SORBS2: variants seen among roughly 807,000 people sequenced by gnomAD.
The protein encoded by SORBS2 is sorbin and SH3 domain-containing protein 2.
Under a neutral mutation model 97.7 loss-of-function variants are expected in SORBS2, and 46 were observed. That is an observed-to-expected ratio of 0.47 (90% CI 0.37 to 0.60). SORBS2 has a LOEUF of 0.60. SORBS2 is among the 20% of genes least tolerant of loss of function. The pLI, the probability that SORBS2 is intolerant of heterozygous loss-of-function variation, is 0.00. For missense variants in SORBS2, 1,316 were observed against 1,282.3 expected (o/e 1.03, Z -0.40); for synonymous variants, 476 against 473.4 (o/e 1.01, Z -0.07).
intron 2 of SORBS2, among the ~76,000 whole-genome samples, chr4:185,701,276 GT>G (rs2098258112): frequency 6.6e-6 from 1 of 152,174 alleles, no homozygotes; most frequent in South Asian, 2.1e-4. Flanking sequence ...GGGCAGCCTG[GT>G]TTTAGCTCCA....
rs985240415 is a variant in SORBS2, at chr4:185,649,368, T to G, written c.281+99A>C. On this transcript the variant is annotated intron_variant, in intron 3 of 14. Transcript: ENST00000418609. Reference sequence around the variant, plus strand: ...TAGACTAGCAAGATTACACATCCGCTCTCTCTGTGGCAGGTGCACTGATTC... The same window carrying G: ...TAGACTAGCAAGATTACACATCCGCGCTCTCTGTGGCAGGTGCACTGATTC... 6 of 978,678 alleles carry G rather than the reference T, an allele frequency of 6.1e-6. No homozygotes were observed. In the African/African-American group the frequency reaches 6.8e-5, roughly 11 times the overall value. The allele number at this position is 978,678 out of a possible 1,614,324, so 60.6% of individuals were successfully genotyped here.
Position 185,652,733 on chromosome 4 carries a change from A to G in SORBS2, c.25-5T>C. 1 of 1,612,890 alleles carries G rather than the reference A, an allele frequency of 6.2e-7. No homozygotes were observed. Among genetic ancestry groups the G allele is most frequent in the East Asian group, 2.2e-5 (1 of 44,872 alleles). On this transcript the variant is annotated splice_polypyrimidine_tract_variant and splice_region_variant and intron_variant, in intron 1 of 14. Transcript: ENST00000418609. The stretch of plus-strand genomic sequence containing the variant: ...GTCCTTGGGCCGGTCGACTGTCTGT[A>G]ATGAAGAGAGCGTCCAATGGTTACA...
At chr4:185,608,083 G>A (rs1170200382) in intron 12 of SORBS2, among the ~76,000 whole-genome samples, 1 of 152,150 alleles carries the variant, frequency 6.6e-6, no homozygotes, top group Non-Finnish European at 1.5e-5. Context: ...AATGACTCCA[G>A]AGAAATGTTA....
At chr4:185,703,466 G>T (rs908360971) in intron 2 of SORBS2, among the ~76,000 whole-genome samples, 1 of 152,138 alleles carries the variant, frequency 6.6e-6, no homozygotes, top group African/African-American at 2.4e-5. Flanking sequence ...AAGAGTAAAA[G>T]TCTATTGGCT....
chr4:185,662,282 A>G (rs1463891768), intron 4 of SORBS2, 40 bp from the exon 8 acceptor site: 1 of 1,556,464 alleles, frequency 6.4e-7, no homozygotes, highest in Non-Finnish European at 8.7e-7. Flanking sequence ...ATTAGCACAT[A>G]GTTCCCTGTA....
intron 1 of SORBS2, among the ~76,000 whole-genome samples, chr4:185,941,315 A>G (rs2099271876): frequency 1.3e-5 from 2 of 152,216 alleles, no homozygotes; most frequent in Admixed American, 6.5e-5. Flanking sequence ...ATTTGAATGT[A>G]GATGGTCTGG....
intron 2 of SORBS2, among the ~76,000 whole-genome samples, chr4:185,743,005 C>T (rs1026152741): frequency 7.2e-5 from 11 of 152,250 alleles, no homozygotes; most frequent in Non-Finnish European, 1.3e-4. Flanking sequence ...GCCCTTTGGA[C>T]GTGGTGGCGA....
At chr4:185,797,045 C>T (rs534976971) in intron 1 of SORBS2, among the ~76,000 whole-genome samples, 17 of 152,356 alleles carry the variant, frequency 1.1e-4, no homozygotes, top group African/African-American at 3.8e-4. Flanking sequence ...CCCCACCTCA[C>T]GCACTTCTTC....
intron 1 of SORBS2, among the ~76,000 whole-genome samples, chr4:185,905,758 C>T (rs2099250408): frequency 6.6e-6 from 1 of 152,118 alleles, no homozygotes; most frequent in Non-Finnish European, 1.5e-5. Flanking sequence ...GCTACTAGGC[C>T]CGGCCTCTTC....
intron 2 of SORBS2, among the ~76,000 whole-genome samples, chr4:185,712,359 C>T (rs560238247): frequency 6.6e-6 from 1 of 152,306 alleles, no homozygotes; most frequent in East Asian, 1.9e-4. Context: ...CTGCCCATCC[C>T]CTGTTCAGCT....
At chr4:185,625,753 T>G (rs779598538) in intron 6 of SORBS2, among the ~76,000 whole-genome samples, 1 of 152,176 alleles carries the variant, frequency 6.6e-6, no homozygotes, top group Non-Finnish European at 1.5e-5. Context: ...TCAGCTGATA[T>G]CACAGCTTTA....
At chr4:185,847,200 T>C (rs1042184319) in intron 1 of SORBS2, among the ~76,000 whole-genome samples, 1 of 152,198 alleles carries the variant, frequency 6.6e-6, no homozygotes, top group Non-Finnish European at 1.5e-5. Flanking sequence ...CAGTGGACTT[T>C]TTACCACTTT....
chr4:185,956,355 C>A (rs971505499), exon 1 of SORBS2: 1 of 152,202 alleles, frequency 6.6e-6, no homozygotes, highest in Non-Finnish European at 1.5e-5. Context: ...TGGTGTTCAT[C>A]CACAATAAAA....
At chr4:185,694,375 C>A (rs1356407467) in intron 2 of SORBS2, among the ~76,000 whole-genome samples, 1 of 152,208 alleles carries the variant, frequency 6.6e-6, no homozygotes, top group African/African-American at 2.4e-5. Context: ...CTGACCATAA[C>A]ATGGAGACTA....
chr4:185,698,224 C>T (rs2098206123), intron 2 of SORBS2, among the ~76,000 whole-genome samples: 1 of 152,172 alleles, frequency 6.6e-6, no homozygotes, highest in South Asian at 2.1e-4. Flanking sequence ...GCCTGTAATC[C>T]CAGCACTTTG....
intron 1 of SORBS2, among the ~76,000 whole-genome samples, chr4:185,913,118 T>C (rs993877293): frequency 3.3e-5 from 5 of 152,228 alleles, no homozygotes; most frequent in African/African-American, 1.2e-4. Flanking sequence ...TACCAGCAAC[T>C]TTAAAAATGC....
At chr4:185,943,693 A>C (rs748815471) in intron 1 of SORBS2, among the ~76,000 whole-genome samples, 2 of 152,208 alleles carry the variant, frequency 1.3e-5, no homozygotes, top group Non-Finnish European at 2.9e-5. Context: ...AAAAGAATAA[A>C]ATAATTTAAA....
At chr4:185,668,001 A>G (rs1366465776) in intron 4 of SORBS2, among the ~76,000 whole-genome samples, 6 of 152,210 alleles carry the variant, frequency 3.9e-5, no homozygotes, top group African/African-American at 7.2e-5. Flanking sequence ...TTTACTAAGG[A>G]TGTTTCCATG....
At chr4:185,697,344 T>C (rs547676042) in intron 2 of SORBS2, among the ~76,000 whole-genome samples, 3 of 152,350 alleles carry the variant, frequency 2.0e-5, no homozygotes, top group South Asian at 4.1e-4. Context: ...CTGATTTCTA[T>C]GGATTTTCCC....
Sources: allele counts gnomAD v4.1 joint callset (sites outside exome capture counted in the v4.1 genomes callset), GRCh38; gene constraint gnomAD v4.1.1; transcripts MANE v1.5; gene names NCBI Gene and HGNC (gene_info 2026-07-23, HGNC 2026-07-21).